The following CD207 variants were observed in gnomAD, a reference collection of about 807,000 sequenced individuals.
CD207 encodes CD207 molecule, also known as C-type lectin domain family 4 member K.
CD207 carries 28 observed loss-of-function variants against 31.6 expected under a neutral mutation model. The observed-to-expected ratio is 0.89, with a 90% CI of 0.66 to 1.21. The LOEUF is 1.21. Ranked by LOEUF, CD207 falls within the 50% of genes most tolerant of loss-of-function variation. CD207 has a pLI of 0.00. For missense variants in CD207, 388 were observed against 397.8 expected, an observed-to-expected ratio of 0.98 and a Z score of 0.21; for synonymous variants, 168 against 153.9, an observed-to-expected ratio of 1.09 and a Z score of -0.68.
At chr2:70,826,548 T>G (rs1677349423), downstream of CD207, among the ~76,000 whole-genome samples, 1 of 152,050 alleles carries the variant, frequency 6.6e-6, no homozygotes, top group Non-Finnish European at 1.5e-5. Context: ...GCTAATTTTT[T>G]TTGTATTTTT....
In CD207 at chr2:70,833,002, G is replaced by T; in HGVS notation, c.615C>A (p.Asn205Lys). Reference sequence around the variant, plus strand: ...TTGGAATGAGAGAAAAGTAATAGAAGTTCCCCTTGAAGTACTTCCAGCCTT... The same window carrying T: ...TTGGAATGAGAGAAAAGTAATAGAATTTCCCCTTGAAGTACTTCCAGCCTT... ...VSQGWKYFKG[N>K]FYYFSLIPKT... The change falls in exon 4 of 6, where the codon AAC becomes AAA. Residue 205 changes from asparagine (N) to lysine (K), a missense_variant. Asn to Lys is a moderately conservative substitution (Grantham distance 94). Coordinates refer to ENST00000410009, the MANE Select transcript of CD207 (RefSeq NM_015717.5). The T allele has an allele frequency of 6.2e-7, 1 of 1,613,894 alleles. No homozygotes were observed. Among genetic ancestry groups the T allele is most frequent in the Non-Finnish European group, 8.5e-7 (1 of 1,179,800 alleles).
At chr2:70,834,425 C>T (rs1231139413) in intron 2 of CD207, among the ~76,000 whole-genome samples, 2 of 152,080 alleles carry the variant, frequency 1.3e-5, no homozygotes, top group African/African-American at 2.4e-5. Flanking sequence ...GGTTGCCATC[C>T]CTCTGTTTTC....
the CD207 span, among the ~76,000 whole-genome samples, chr2:70,824,545 T>A: frequency 7.2e-6 from 1 of 138,528 alleles, no homozygotes; most frequent in Non-Finnish European, 1.5e-5. Context: ...TGGCTGACTC[T>A]AGAACTGGGG....
intron 4 of CD207, among the ~76,000 whole-genome samples, chr2:70,832,102 G>A (rs868980754): frequency 1.3e-5 from 2 of 152,212 alleles, no homozygotes; most frequent in South Asian, 2.1e-4. Context: ...TCCAGAGCAC[G>A]GACCGCAAGA....
chr2:70,835,453 G>A (rs781863029), intron 2 of CD207, 38 bp downstream of exon 2: 10 of 1,471,820 alleles, frequency 6.8e-6, no homozygotes, highest in Non-Finnish European at 7.6e-6. Flanking sequence ...TGGCCACAGA[G>A]AGGGGCTAAG....
chr2:70,835,006 G>A (rs1409726300), intron 2 of CD207, among the ~76,000 whole-genome samples: 1 of 152,242 alleles, frequency 6.6e-6, no homozygotes, highest in Non-Finnish European at 1.5e-5. Flanking sequence ...GAGTCCTGGG[G>A]AGAGGGGACT....
At chr2:70,827,113 TTCTC>T (rs531316378), downstream of CD207, among the ~76,000 whole-genome samples, 191 of 152,264 alleles carry the variant, frequency 1.3e-3, no homozygotes, top group African/African-American at 4.3e-3. Flanking sequence ...ATTTTCTGTT[TTCTC>T]TCTCTTTCCT....
chr2:70,826,326 C>T (rs13015518), downstream of CD207, among the ~76,000 whole-genome samples: 91,565 of 151,544 alleles, frequency 0.6, 28,140 homozygotes, highest in Middle Eastern at 0.7. Context: ...TGAATCTGAC[C>T]GGTGGTCCCT....
At chr2:70,834,851 A>G (rs1677569399) in intron 2 of CD207, among the ~76,000 whole-genome samples, 1 of 152,186 alleles carries the variant, frequency 6.6e-6, no homozygotes, top group South Asian at 2.1e-4. Flanking sequence ...CCCTGGCAGG[A>G]GGAAGAAGGC....
downstream of CD207, among the ~76,000 whole-genome samples, chr2:70,829,424 T>A (rs558798225): frequency 2.6e-3 from 402 of 152,240 alleles, 1 homozygote; most frequent in African/African-American, 8.7e-3. Context: ...AGGCAGGCCT[T>A]GTAGTAATAA....
At chr2:70,832,733 G>A (rs992695147) in intron 4 of CD207, among the ~76,000 whole-genome samples, 167 bp downstream of exon 4, 5 of 152,174 alleles carry the variant, frequency 3.3e-5, no homozygotes, top group Admixed American at 2.6e-4. Flanking sequence ...GCCACAGTGA[G>A]CACAGCCCCC....
Position 70,830,891 on chromosome 2 carries a change from C to A in CD207, c.*159G>T. ...CTGCCTCCAAGACGTCAGAGAATTT[C>A]CAGCCAAGACAGACGGACTCCAGAA... On this transcript the variant is annotated 3_prime_UTR_variant, in exon 6 of 6. Transcript: ENST00000410009. 3.3e-6 allele frequency: 2 copies of A among 599,974 alleles called. No individual in the cohort carries two copies. The highest frequency in any genetic ancestry group is 2.8e-6 in the Non-Finnish European group (1 of 358,276). 37.2% of individuals were successfully genotyped at this position (599,974 alleles called of 1,614,324 possible).
chr2:70,825,303 G>A (rs1468069159), downstream of CD207, among the ~76,000 whole-genome samples: 5 of 152,196 alleles, frequency 3.3e-5, no homozygotes, highest in Non-Finnish European at 7.3e-5. Context: ...ATGGCTAAAT[G>A]TAACGTGGTA....
intron 2 of CD207, 56 bp downstream of exon 2, chr2:70,835,435 G>T: frequency 7.9e-7 from 1 of 1,263,346 alleles, no homozygotes; most frequent in Non-Finnish European, 1.2e-6. Context: ...GATCTGAAGG[G>T]AGCCGGCTGG....
At chr2:70,835,070 G>T (rs544719616) in intron 2 of CD207, among the ~76,000 whole-genome samples, 1 of 152,286 alleles carries the variant, frequency 6.6e-6, no homozygotes, top group East Asian at 1.9e-4. Flanking sequence ...GGTGAGCTGG[G>T]GCCAATGATA....
At chr2:70,834,879 C>T (rs1553400699) in intron 2 of CD207, among the ~76,000 whole-genome samples, 2 of 152,162 alleles carry the variant, frequency 1.3e-5, no homozygotes. Flanking sequence ...GCAGCAAAGG[C>T]CATGAAGCCT....
chr2:70,827,942 A>G (rs1281711289), downstream of CD207, among the ~76,000 whole-genome samples: 4 of 152,224 alleles, frequency 2.6e-5, no homozygotes, highest in African/African-American at 9.6e-5. Context: ...TAAATTTTTC[A>G]AGAGTATTTT....
At chr2:70,831,658 G>A (rs782427382) in intron 5 of CD207, 43 bp downstream of exon 5, 2 of 1,214,414 alleles carry the variant, frequency 1.6e-6, no homozygotes, top group Admixed American at 3.4e-5. Flanking sequence ...CCTGGCCATG[G>A]CCGGGGAAAG....
chr2:70,828,057 G>T (rs1677387536), downstream of CD207, among the ~76,000 whole-genome samples: 2 of 152,292 alleles, frequency 1.3e-5, no homozygotes, highest in South Asian at 4.1e-4. Context: ...CAAGTTGACT[G>T]AGAAAAAGTT....
Sources: allele counts gnomAD v4.1 joint callset (sites outside exome capture counted in the v4.1 genomes callset), GRCh38; gene constraint gnomAD v4.1.1; transcripts MANE v1.5; gene names NCBI Gene and HGNC (gene_info 2026-07-23, HGNC 2026-07-21).